The following NTRK2 variants were observed in gnomAD, a reference collection of about 807,000 sequenced individuals.
The protein encoded by NTRK2 is BDNF/NT-3 growth factors receptor.
In NTRK2, 13 loss-of-function variants were observed where a neutral mutation model predicts 94.5. The observed-to-expected ratio is 0.14, with a 90% CI of 0.09 to 0.22. The LOEUF (loss-of-function observed/expected upper bound fraction) is 0.22, where lower values mean the gene tolerates loss of function less well. Ranked by LOEUF, NTRK2 falls within the 10% of genes least tolerant of loss-of-function variation. NTRK2 has a pLI of 1.00. For missense variants in NTRK2, 639 were observed against 1,071.2 expected (o/e 0.60, Z 5.63); for synonymous variants, 372 against 407.4 (o/e 0.91, Z 1.05).
intron 12 of NTRK2, among the ~76,000 whole-genome samples, chr9:84,858,382 A>G (rs888187268): frequency 6.6e-6 from 1 of 151,660 alleles, no homozygotes; most frequent in Non-Finnish European, 1.5e-5. Context: ...GATTTTCACT[A>G]TAATATCCAA....
At chr9:84,790,433 G>A (rs1316094710) in intron 12 of NTRK2, among the ~76,000 whole-genome samples, 1 of 152,180 alleles carries the variant, frequency 6.6e-6, no homozygotes, top group Non-Finnish European at 1.5e-5. Context: ...TCACCAAGAT[G>A]TAGGAGGGAT....
intron 6 of NTRK2, among the ~76,000 whole-genome samples, chr9:84,720,675 G>GA (rs1278110447): frequency 1.3e-5 from 2 of 151,402 alleles, no homozygotes; most frequent in African/African-American, 4.9e-5. Context: ...AGAAAGAGAG[G>GA]AAAAAAATGC....
chr9:84,907,432 T>A (rs977419778), intron 14 of NTRK2, among the ~76,000 whole-genome samples: 2 of 152,244 alleles, frequency 1.3e-5, no homozygotes, highest in Non-Finnish European at 2.9e-5. Context: ...AATCTTTGGT[T>A]CCCTATTATT....
At chr9:84,870,883 T>C (rs2075838962) in intron 14 of NTRK2, among the ~76,000 whole-genome samples, 1 of 152,210 alleles carries the variant, frequency 6.6e-6, no homozygotes, top group Admixed American at 6.5e-5. Context: ...TCAAAGATGT[T>C]GACTTTAGAA....
intron 17 of NTRK2, among the ~76,000 whole-genome samples, chr9:84,999,392 G>A (rs1248893635): frequency 6.6e-6 from 1 of 152,128 alleles, no homozygotes; most frequent in Non-Finnish European, 1.5e-5. Flanking sequence ...GTATTCTAAT[G>A]TCTTTAGCTA....
chr9:84,900,885 T>G (rs2076907146), intron 14 of NTRK2, among the ~76,000 whole-genome samples: 1 of 152,206 alleles, frequency 6.6e-6, no homozygotes, highest in Admixed American at 6.5e-5. Flanking sequence ...ACAGAAACTT[T>G]TTTTTCTTTG....
At chr9:84,959,095 G>A (rs1399331213) in intron 17 of NTRK2, among the ~76,000 whole-genome samples, 4 of 152,100 alleles carry the variant, frequency 2.6e-5, no homozygotes, top group South Asian at 2.1e-4. Flanking sequence ...TTCTCCTTAT[G>A]ATTCAGGTTT....
At chr9:84,944,192 TTCTC>T (rs61035000) in intron 15 of NTRK2, among the ~76,000 whole-genome samples, 3,033 of 135,126 alleles carry the variant, frequency 0.022, 42 homozygotes, top group Non-Finnish European at 0.031. Context: ...GAAAAGCTTG[TTCTC>T]TCTCTCTCTC....
intron 6 of NTRK2, among the ~76,000 whole-genome samples, 170 bp from the exon 7 acceptor site, chr9:84,723,403 G>C (rs1252121580): frequency 6.6e-6 from 1 of 152,138 alleles, no homozygotes; most frequent in African/African-American, 2.4e-5. Context: ...GTTTATGTTA[G>C]ATCTATGAAG....
At chr9:84,904,448 T>C (rs2077017226) in intron 14 of NTRK2, among the ~76,000 whole-genome samples, 1 of 152,226 alleles carries the variant, frequency 6.6e-6, no homozygotes, top group Non-Finnish European at 1.5e-5. Context: ...TCTACCATCA[T>C]ACACCAACAT....
intron 14 of NTRK2, chr9:84,874,604 T>TCTAA: frequency 9.4e-7 from 1 of 1,062,480 alleles, no homozygotes; most frequent in East Asian, 5.1e-5. Context: ...AAACACTTTC[T>TCTAA]CTAACCCACG....
chr9:84,983,364 C>T (rs1827888079), intron 17 of NTRK2, among the ~76,000 whole-genome samples: 1 of 152,182 alleles, frequency 6.6e-6, no homozygotes, highest in Non-Finnish European at 1.5e-5. Flanking sequence ...TCTTGGAAAT[C>T]ATCTTGAAGG....
rs774255186 is a variant in NTRK2 at position 84,870,126 on chromosome 9, T to TATAC, written c.1633+2696_1633+2697insTACA. ...ATATATATATATATATATATATATATACACACACACACACATATATATACA... is the reference window on the plus strand; with the variant it reads ...ATATATATATATATATATATATATATATACACACACACACACACATATATATACA... On this transcript the variant is annotated intron_variant, in intron 14 of 18. Coordinates refer to ENST00000277120, the MANE Select transcript of NTRK2 (RefSeq NM_006180.6). Among the ~76,000 whole-genome samples, 759 of 95,524 alleles carry TATAC rather than the reference T, an allele frequency of 7.9e-3. 3 individuals carry two copies. The highest frequency in any genetic ancestry group is 0.023 in the African/African-American group (542 of 23,448). 62.7% of individuals were successfully genotyped at this position (95,524 alleles called of 152,430 possible).
At chr9:84,738,166 G>C (rs1279537082) in intron 9 of NTRK2, among the ~76,000 whole-genome samples, 3 of 151,430 alleles carry the variant, frequency 2.0e-5, no homozygotes, top group Admixed American at 2.0e-4. Context: ...GCTACTTCTT[G>C]CTACCTAAAT....
intron 2 of NTRK2, among the ~76,000 whole-genome samples, chr9:84,687,627 G>A (rs1158624183): frequency 6.6e-6 from 1 of 152,170 alleles, no homozygotes; most frequent in East Asian, 1.9e-4. Context: ...TAGATACTCT[G>A]TTGGCAAAGT....
At chr9:84,715,317 G>A (rs2131890932) in intron 6 of NTRK2, among the ~76,000 whole-genome samples, 1 of 152,000 alleles carries the variant, frequency 6.6e-6, no homozygotes, top group East Asian at 1.9e-4. Context: ...TTTTTATCTT[G>A]ATGGCATTTT....
intron 2 of NTRK2, among the ~76,000 whole-genome samples, chr9:84,693,135 CTAAT>C: frequency 6.6e-6 from 1 of 152,118 alleles, no homozygotes; most frequent in East Asian, 1.9e-4. Flanking sequence ...ATGTTAGTGA[CTAAT>C]TAAAATTTTC....
intron 12 of NTRK2, among the ~76,000 whole-genome samples, chr9:84,772,242 G>T (rs2066622779): frequency 6.6e-6 from 1 of 152,068 alleles, no homozygotes. Context: ...CCATTTACTT[G>T]TTCTCCCTAT....
intron 2 of NTRK2, among the ~76,000 whole-genome samples, chr9:84,676,692 C>T (rs1199762810): frequency 5.3e-5 from 8 of 152,166 alleles, no homozygotes; most frequent in Non-Finnish European, 1.2e-4. Context: ...GCCTCCCCTC[C>T]GTTCTGTGTT....
Sources: gnomAD v4.1 joint callset for allele counts (sites outside exome capture counted in the v4.1 genomes callset) on GRCh38, gnomAD v4.1.1 for gene constraint, MANE v1.5 for transcripts, NCBI Gene and HGNC (gene_info 2026-07-23, HGNC 2026-07-21) for gene names.